WWOX: variants seen among roughly 807,000 people sequenced by gnomAD.
WWOX encodes the protein WW domain containing oxidoreductase.
Under a neutral mutation model 46.2 loss-of-function variants are expected in WWOX, and 69 were observed. That is an observed-to-expected ratio of 1.49 (90% confidence interval 1.23 to 1.82). The LOEUF (loss-of-function observed/expected upper bound fraction) is 1.82, where lower values mean the gene tolerates loss of function less well. WWOX is among the 40% of genes most tolerant of loss of function. WWOX has a pLI of 0.00. For synonymous variants in WWOX, 359 were observed against 202.6 expected, an observed-to-expected ratio of 1.77 and a Z score of -6.56; for missense variants, 919 against 542.6, an observed-to-expected ratio of 1.69 and a Z score of -6.89.
At chr16:78,774,543 C>T (rs1166710412) in intron 8 of WWOX, among the ~76,000 whole-genome samples, 1 of 150,782 alleles carries the variant, frequency 6.6e-6, no homozygotes, top group Non-Finnish European at 1.5e-5. Context: ...CGCGTGCGCA[C>T]ACGCATGAGC....
chr16:78,883,197 G>A (rs2044380288), intron 8 of WWOX, among the ~76,000 whole-genome samples: 2 of 152,160 alleles, frequency 1.3e-5, no homozygotes, highest in Admixed American at 1.3e-4. Flanking sequence ...GATTGTGGTT[G>A]TTGTGGAAAT....
intron 5 of WWOX, among the ~76,000 whole-genome samples, chr16:78,178,557 C>T (rs2035424324): frequency 6.6e-6 from 1 of 152,170 alleles, no homozygotes; most frequent in Non-Finnish European, 1.5e-5. Flanking sequence ...CCGGAATTCG[C>T]ATAGTGACAT....
chr16:78,902,062 G>A (rs1225431939), intron 8 of WWOX, among the ~76,000 whole-genome samples: 3 of 152,208 alleles, frequency 2.0e-5, no homozygotes, highest in Non-Finnish European at 2.9e-5. Flanking sequence ...TTGAGAGCTG[G>A]CAAAATCGTC....
intron 8 of WWOX, among the ~76,000 whole-genome samples, chr16:79,045,310 A>G (rs926687335): frequency 6.6e-6 from 1 of 152,204 alleles, no homozygotes; most frequent in Non-Finnish European, 1.5e-5. Context: ...CATTTGACCT[A>G]CATGGAAATG....
At chr16:78,914,091 G>C (rs886508353) in intron 8 of WWOX, among the ~76,000 whole-genome samples, 2 of 152,034 alleles carry the variant, frequency 1.3e-5, no homozygotes, top group Non-Finnish European at 2.9e-5. Context: ...GTATCATTCT[G>C]ATGTAGGGAG....
intron 8 of WWOX, among the ~76,000 whole-genome samples, chr16:78,804,475 CT>C (rs1490616611): frequency 6.6e-6 from 1 of 151,964 alleles, no homozygotes; most frequent in African/African-American, 2.4e-5. Context: ...TTAATATTAA[CT>C]CCATTAGTCA....
chr16:78,681,148 C>T (rs1172425690), intron 8 of WWOX, among the ~76,000 whole-genome samples: 1 of 152,158 alleles, frequency 6.6e-6, no homozygotes, highest in African/African-American at 2.4e-5. Context: ...ACTTTGGAGG[C>T]TGAGGCAGGA....
At chr16:79,128,765 G>C (rs1465734786) in intron 8 of WWOX, among the ~76,000 whole-genome samples, 2 of 152,222 alleles carry the variant, frequency 1.3e-5, no homozygotes, top group African/African-American at 2.4e-5. Flanking sequence ...TCAATCTGAA[G>C]TCAGGGATAA....
intron 8 of WWOX, among the ~76,000 whole-genome samples, chr16:78,924,828 CAT>C (rs1373329798): frequency 6.6e-6 from 1 of 152,154 alleles, no homozygotes; most frequent in Non-Finnish European, 1.5e-5. Flanking sequence ...TTGGTGTCAA[CAT>C]ATGTGTGAAA....
chr16:79,030,038 A>T (rs962546426), intron 8 of WWOX, among the ~76,000 whole-genome samples: 2 of 152,186 alleles, frequency 1.3e-5, no homozygotes, highest in Non-Finnish European at 2.9e-5. Context: ...CCAAATAAAG[A>T]ATGGTTTCTG....
chr16:78,867,611 G>T (rs2044033883), intron 8 of WWOX, among the ~76,000 whole-genome samples: 1 of 151,794 alleles, frequency 6.6e-6, no homozygotes, highest in South Asian at 2.1e-4. Context: ...TGCAATCTCA[G>T]TTCACTGCAA....
chr16:78,506,579 G>C (rs1007484578), intron 8 of WWOX: 28 of 152,060 alleles, frequency 1.8e-4, no homozygotes, highest in Admixed American at 7.9e-4. Flanking sequence ...TAAGTGGGAA[G>C]AGCTTTGGAG....
chr16:78,417,882 G>A (rs1184185625), intron 6 of WWOX, among the ~76,000 whole-genome samples: 1 of 152,172 alleles, frequency 6.6e-6, no homozygotes, highest in Non-Finnish European at 1.5e-5. Context: ...ACCACACCAT[G>A]ACTTTTCAGG....
chr16:78,111,253 A>G (rs1597212271), intron 3 of WWOX, among the ~76,000 whole-genome samples: 1 of 152,326 alleles, frequency 6.6e-6, no homozygotes. Context: ...GTTTCAGTAT[A>G]ATAAAGAAAG....
At chr16:78,563,602 C>A (rs1015684131) in intron 8 of WWOX, among the ~76,000 whole-genome samples, 11 of 150,474 alleles carry the variant, frequency 7.3e-5, no homozygotes, top group African/African-American at 2.7e-4. Flanking sequence ...TTTTAGGAAG[C>A]TACCTCTCTT....
At chr16:78,776,776 A>G (rs926275062) in intron 8 of WWOX, among the ~76,000 whole-genome samples, 14 of 152,136 alleles carry the variant, frequency 9.2e-5, no homozygotes, top group Admixed American at 7.2e-4. Context: ...GGCAGGCAAG[A>G]GGGGCAGGGA....
chr16:78,253,915 A>G (rs1266317598), intron 5 of WWOX, among the ~76,000 whole-genome samples: 2 of 152,158 alleles, frequency 1.3e-5, no homozygotes, highest in East Asian at 3.9e-4. Context: ...CCCCTGGTAC[A>G]ACTCAACAGG....
At chr16:78,360,488 G>C (rs779669677) in intron 5 of WWOX, among the ~76,000 whole-genome samples, 2 of 149,378 alleles carry the variant, frequency 1.3e-5, no homozygotes, top group Non-Finnish European at 3.0e-5. Context: ...GGGAGGCTGA[G>C]ACATGAGAAT....
Position 78,099,863 on chromosome 16 carries a change from G to A in WWOX, c.85G>A (p.Asp29Asn). ...GGGCTGGGAGGAGAGAACCACCAAG[G>A]ACGGCTGGGTTTACTACGCCAAGTA... ...PPGWEERTTK[D>N]GWVYYANHTE... The change falls in exon 1 of 9, where the codon GAC becomes AAC. Residue 29 changes from aspartate to asparagine, a missense_variant. By Grantham distance (23) the Asp-to-Asn change is conservative (BLOSUM62 1). Coordinates refer to ENST00000566780, the MANE Select transcript of WWOX (RefSeq NM_016373.4). 5 of 1,576,438 alleles carry A rather than the reference G, an allele frequency of 3.2e-6. No homozygotes were observed. The highest frequency in any genetic ancestry group is 4.3e-6 in the Non-Finnish European group (5 of 1,161,836).
Sources: gnomAD v4.1 joint callset for allele counts (sites outside exome capture counted in the v4.1 genomes callset) on GRCh38, gnomAD v4.1.1 for gene constraint, MANE v1.5 for transcripts, NCBI Gene and HGNC (gene_info 2026-07-23, HGNC 2026-07-21) for gene names.